Variants in PXDNL observed in about 807,000 individuals in gnomAD.
PXDNL encodes peroxidasin like, also known as probable oxidoreductase PXDNL.
A neutral mutation model predicts 150.8 loss-of-function variants in PXDNL; 145 were observed. That is an observed-to-expected ratio of 0.96 (90% confidence interval 0.84 to 1.10). The LOEUF (loss-of-function observed/expected upper bound fraction) is 1.10, where lower values mean the gene tolerates loss of function less well. PXDNL is among the 50% of genes least tolerant of loss of function. The pLI is 0.00. For missense variants in PXDNL, 2,087 were observed against 1,873.9 expected, an observed-to-expected ratio of 1.11 and a Z score of -2.10; for synonymous variants, 757 against 725.7, an observed-to-expected ratio of 1.04 and a Z score of -0.69.
chr8:51,599,647 ATATAATAAATTATATC>A (rs981876676), intron 2 of PXDNL, among the ~76,000 whole-genome samples: 2 of 146,262 alleles, frequency 1.4e-5, no homozygotes, highest in African/African-American at 5.0e-5. Flanking sequence ...GATATCATTT[ATATAATAAATTATATC>A]TTATATAAAT....
chr8:51,377,240 T>C lies in PXDNL; in HGVS notation c.3558-2509A>G, dbSNP rs1478012176. ...CACTTGACAACTTAGTACTTGGTGC[T>C]GGAGTTTTTCCTTCTAGGGGATTTT... On this transcript the variant is annotated intron_variant, in intron 17 of 22. Coordinates refer to ENST00000356297, the MANE Select transcript of PXDNL (RefSeq NM_144651.5). Among the ~76,000 whole-genome samples, 7 of 143,252 alleles carry C rather than the reference T, an allele frequency of 4.9e-5. No individual in the cohort carries two copies. The East Asian group carries it at 1.5e-3, about 31-fold the overall frequency. 94.0% of individuals were successfully genotyped at this position (143,252 alleles called of 152,430 possible).
intron 17 of PXDNL, among the ~76,000 whole-genome samples, chr8:51,377,405 G>A (rs1314097276): frequency 6.6e-6 from 1 of 152,178 alleles, no homozygotes; most frequent in Non-Finnish European, 1.5e-5. Flanking sequence ...GTGGCCAGAG[G>A]CCACTCTGGC....
At chr8:51,548,002 T>C (rs530652548) in intron 4 of PXDNL, among the ~76,000 whole-genome samples, 1 of 151,114 alleles carries the variant, frequency 6.6e-6, no homozygotes, top group African/African-American at 2.4e-5. Flanking sequence ...AATCACAACT[T>C]CTAGAAATGA....
chr8:51,361,054 G>C (rs1806719678), intron 19 of PXDNL, among the ~76,000 whole-genome samples: 1 of 152,212 alleles, frequency 6.6e-6, no homozygotes, highest in Non-Finnish European at 1.5e-5. Flanking sequence ...GACCAAGTGA[G>C]ATCCCTGCCA....
chr8:51,658,344 G>GAAAAAAAA (rs34771782), intron 1 of PXDNL, among the ~76,000 whole-genome samples: 18 of 94,224 alleles, frequency 1.9e-4, no homozygotes, highest in African/African-American at 3.7e-4. Context: ...CCTGTCTCAA[G>GAAAAAAAA]AAAAAAAAAA....
At chr8:51,753,161 G>C (rs2037064819) in intron 1 of PXDNL, among the ~76,000 whole-genome samples, 1 of 152,220 alleles carries the variant, frequency 6.6e-6, no homozygotes, top group Non-Finnish European at 1.5e-5. Context: ...ACATTTAACA[G>C]GGAATATAGT....
intron 21 of PXDNL, among the ~76,000 whole-genome samples, chr8:51,323,896 A>T (rs1805401798): frequency 1.3e-5 from 2 of 151,352 alleles, no homozygotes; most frequent in African/African-American, 4.9e-5. Context: ...AGCCTGGGTG[A>T]CAAGAGCAAA....
chr8:51,798,423 G>T (rs1182286061), intron 1 of PXDNL, among the ~76,000 whole-genome samples: 1 of 152,102 alleles, frequency 6.6e-6, no homozygotes, highest in African/African-American at 2.4e-5. Flanking sequence ...AAAAATTTTT[G>T]CAATCTATTC....
At chr8:51,521,569 G>T (rs192886947) in intron 4 of PXDNL, among the ~76,000 whole-genome samples, 1 of 151,998 alleles carries the variant, frequency 6.6e-6, no homozygotes, top group Admixed American at 6.6e-5. Context: ...AATATTTAAA[G>T]AAATAAACAA....
intron 19 of PXDNL, among the ~76,000 whole-genome samples, chr8:51,347,502 T>G (rs895931566): frequency 2.0e-5 from 3 of 152,198 alleles, no homozygotes; most frequent in African/African-American, 7.2e-5. Flanking sequence ...TGGTTGTTAC[T>G]TGTTTTCTTT....
chr8:51,672,260 G>A (rs181471911), intron 1 of PXDNL, among the ~76,000 whole-genome samples: 1 of 152,332 alleles, frequency 6.6e-6, no homozygotes, highest in African/African-American at 2.4e-5. Flanking sequence ...GGGATTAGAG[G>A]CATGAGCCAC....
At chr8:51,456,585 A>G (rs1214650101) in intron 9 of PXDNL, among the ~76,000 whole-genome samples, 2 of 152,194 alleles carry the variant, frequency 1.3e-5, no homozygotes, top group Admixed American at 1.3e-4. Context: ...ACAATCAAAT[A>G]AATTTTATTA....
chr8:51,757,991 T>C (rs2037120549), intron 1 of PXDNL, among the ~76,000 whole-genome samples: 1 of 152,150 alleles, frequency 6.6e-6, no homozygotes, highest in Non-Finnish European at 1.5e-5. Context: ...TATAAAAAAC[T>C]GAACATATTT....
chr8:51,464,783 G>A (rs962309998), intron 8 of PXDNL, among the ~76,000 whole-genome samples: 1 of 152,064 alleles, frequency 6.6e-6, no homozygotes, highest in Non-Finnish European at 1.5e-5. Flanking sequence ...CAGGTTGATG[G>A]GTGCAGAAAC....
At chr8:51,447,259 G>T in intron 11 of PXDNL, 97 bp from the exon 12 acceptor site, 2 of 1,276,030 alleles carry the variant, frequency 1.6e-6, no homozygotes, top group Non-Finnish European at 2.2e-6. Flanking sequence ...CTGTCTTTCA[G>T]GAAATTCTCG....
At chr8:51,724,574 T>C (rs996616947) in intron 1 of PXDNL, among the ~76,000 whole-genome samples, 22 of 152,244 alleles carry the variant, frequency 1.4e-4, no homozygotes, top group African/African-American at 5.3e-4. Context: ...AGGGTGTTTC[T>C]GCCCTTCGAG....
At chr8:51,455,674 A>T (rs1335380313) in intron 9 of PXDNL, among the ~76,000 whole-genome samples, 1 of 152,154 alleles carries the variant, frequency 6.6e-6, no homozygotes, top group Non-Finnish European at 1.5e-5. Flanking sequence ...TCAAAGTAGA[A>T]ATGCTCCTGT....
At chr8:51,447,832 T>C (rs966038349) in intron 11 of PXDNL, among the ~76,000 whole-genome samples, 2 of 152,218 alleles carry the variant, frequency 1.3e-5, no homozygotes, top group Admixed American at 6.5e-5. Flanking sequence ...GTACACACAC[T>C]GTGCCATCAA....
chr8:51,555,748 A>G (rs58114467), intron 4 of PXDNL, among the ~76,000 whole-genome samples: 10,507 of 152,242 alleles, frequency 0.069, 457 homozygotes, highest in South Asian at 0.1. Flanking sequence ...AATGGGAAAA[A>G]TCTTTTTAAT....
Sources: allele counts gnomAD v4.1 joint callset (sites outside exome capture counted in the v4.1 genomes callset), GRCh38; gene constraint gnomAD v4.1.1; transcripts MANE v1.5; gene names NCBI Gene and HGNC (gene_info 2026-07-23, HGNC 2026-07-21).